Variants in MARK4 observed in about 807,000 individuals in gnomAD.
MARK4 encodes the protein MAP/microtubule affinity-regulating kinase 4.
MARK4 carries 19 observed loss-of-function variants against 81.5 expected under a neutral mutation model. That is an observed-to-expected ratio of 0.23 (90% CI 0.16 to 0.34). The LOEUF (loss-of-function observed/expected upper bound fraction) is 0.34. Ranked by LOEUF, MARK4 falls within the 10% of genes least tolerant of loss-of-function variation. The probability of loss-of-function intolerance (pLI) is 1.00; values close to 1 mark genes in which losing one functional copy is unlikely to be tolerated. For synonymous variants in MARK4, 436 were observed against 439.0 expected (o/e 0.99, Z 0.08); for missense variants, 772 against 1,058.8 (o/e 0.73, Z 3.76).
chr19:45,270,205 G>C (rs1221349502), intron 7 of MARK4, among the ~76,000 whole-genome samples: 1 of 152,138 alleles, frequency 6.6e-6, no homozygotes, highest in East Asian at 1.9e-4. Context: ...AACCACGCTT[G>C]AGGCAGGTGT....
At position 45,271,817 on chromosome 19, in the gene MARK4, T is replaced by G; in HGVS notation, c.786+109T>G. 1.9e-6 allele frequency: 2 copies of G among 1,061,870 alleles called. No homozygotes were observed. The highest frequency in any genetic ancestry group is 2.3e-5 in the Admixed American group (1 of 43,852). 65.8% of individuals were successfully genotyped at this position (1,061,870 alleles called of 1,614,324 possible). On this transcript the variant is annotated intron_variant, in intron 8 of 16. Coordinates refer to ENST00000262891, the MANE Select transcript of MARK4 (RefSeq NM_001199867.2). The surrounding 1 kb of genome is among the most constrained non-coding windows in gnomAD (Gnocchi z 4.1). Reference sequence around the variant, plus strand: ...CCTCAGTGGTGGGACTGGCCTGAGTTCTCATGGGAAGATGGGGGATGGGCA... The same window carrying G: ...CCTCAGTGGTGGGACTGGCCTGAGTGCTCATGGGAAGATGGGGGATGGGCA...
rs1412956729 is a variant in MARK4 at position 45,254,124 on chromosome 19, C to T, written c.51+2485C>T. On this transcript the variant is annotated intron_variant, in intron 1 of 16. Transcript: ENST00000262891. Reference sequence around the variant, plus strand: ...GGCTACAGCCACGTGGGGTCATGCTCCCCCACCCCAAGTTCCAGGGCCCCC... The same window carrying T: ...GGCTACAGCCACGTGGGGTCATGCTTCCCCACCCCAAGTTCCAGGGCCCCC... 5.3e-5 allele frequency among the ~76,000 whole-genome samples: 8 copies of T among 152,086 alleles called. No individual in the cohort carries two copies. The East Asian group carries it at 1.5e-3, about 29-fold the overall frequency.
rs984463425 is a variant in MARK4 at position 45,297,664 on chromosome 19, C to T, written c.1599-12C>T. ...CAGTCCCCCACCCTGACTTGTCTGT[C>T]TCTGCCCACAGCTCAGGCACCCCAC... On this transcript the variant is annotated splice_polypyrimidine_tract_variant and intron_variant, in intron 14 of 16. Transcript: ENST00000262891. The T allele has an allele frequency of 2.6e-6, 4 of 1,510,174 alleles. No individual in the cohort carries two copies. The African/African-American group carries it at 4.2e-5, about 16-fold the overall frequency. 93.5% of individuals were successfully genotyped at this position (1,510,174 alleles called of 1,614,324 possible). A position where few individuals can be genotyped will look rare whatever the true frequency, so the allele number is the denominator to read the frequency against.
chr19:45,258,411 T>C (rs1970337107), intron 1 of MARK4, among the ~76,000 whole-genome samples: 1 of 152,110 alleles, frequency 6.6e-6, no homozygotes, highest in South Asian at 2.1e-4. Flanking sequence ...ATGTGTGTAA[T>C]TAGAAAAGGA....
chr19:45,272,867 G>A (rs562807126), intron 8 of MARK4, among the ~76,000 whole-genome samples: 4 of 152,254 alleles, frequency 2.6e-5, no homozygotes, highest in Admixed American at 2.0e-4. Context: ...CAGCCTGGGC[G>A]ACAGAGCGAG....
In MARK4 at chr19:45,303,938, T is replaced by A. The variant is rs1971015246; in HGVS notation, c.*1228T>A. 6.6e-6 allele frequency: 1 copy of A among 152,302 alleles called. No homozygotes were observed. The highest frequency in any genetic ancestry group is 2.4e-5 in the African/African-American group (1 of 41,472). 9.4% of individuals were successfully genotyped at this position (152,302 alleles called of 1,614,324 possible). A position where few individuals can be genotyped will look rare whatever the true frequency, so the allele number is the denominator to read the frequency against. ...CCCAGAAGTGGGAGTATGTGGTATA[T>A]CTTCAGAGAACTGGGTAATTTCAGT... is the stretch of plus-strand genomic sequence containing the variant. On this transcript the variant is annotated 3_prime_UTR_variant, in exon 17 of 17. Transcript: ENST00000262891.
At chr19:45,289,886 C>T (rs888793247) in intron 13 of MARK4, among the ~76,000 whole-genome samples, 1 of 152,144 alleles carries the variant, frequency 6.6e-6, no homozygotes, top group African/African-American at 2.4e-5. Context: ...TGCTTGAGCT[C>T]AGGAGTTCGA....
chr19:45,302,316 C>T lies in MARK4; in HGVS notation c.1923-58C>T. 2 of 1,611,040 alleles carry T rather than the reference C, an allele frequency of 1.2e-6. No individual in the cohort carries two copies. The stretch of plus-strand genomic sequence containing the variant: ...GAATTGGGAAGAGTTGTCCCTTCAG[C>T]CCTCCACCACATTCCTCTTCGCTCC... On this transcript the variant is annotated intron_variant, in intron 16 of 16. Transcript: ENST00000262891. The surrounding 1 kb of genome is among the most constrained non-coding windows in gnomAD (Gnocchi z 4.9).
rs1970995034 is a variant in MARK4 at position 45,302,738 on chromosome 19, T to C, written c.*28T>C. On this transcript the variant is annotated 3_prime_UTR_variant, in exon 17 of 17. Transcript: ENST00000262891. This position sits in a 1 kb window ranked among gnomAD's most constrained non-coding sequence, Gnocchi z 4.9. ...CACCACGGTCCCAGGGCCCTTACTC[T>C]TCCTCTCCCTTGTCGCCTTCACTTC... The C allele has an allele frequency of 1.3e-6, 2 of 1,535,012 alleles. No individual in the cohort carries two copies. Among genetic ancestry groups the C allele is most frequent in the African/African-American group, 1.4e-5 (1 of 73,026 alleles).
intron 14 of MARK4, among the ~76,000 whole-genome samples, chr19:45,294,878 G>A (rs1336818234): frequency 6.6e-6 from 1 of 152,088 alleles, no homozygotes; most frequent in Non-Finnish European, 1.5e-5. Flanking sequence ...GGAAGGGATT[G>A]GTTCACATCA....
chr19:45,273,484 T>C (rs1249146756), intron 8 of MARK4, among the ~76,000 whole-genome samples: 1 of 152,158 alleles, frequency 6.6e-6, no homozygotes, highest in Non-Finnish European at 1.5e-5. Flanking sequence ...ATTTCATCCA[T>C]CATCCCAGGA....
intron 13 of MARK4, 175 bp downstream of exon 13, chr19:45,287,839 T>G: frequency 6.9e-6 from 5 of 723,496 alleles, no homozygotes; most frequent in Non-Finnish European, 1.2e-5. Context: ...GCTCAGTTTA[T>G]ACACTAACAT....
At chr19:45,273,302 T>G (rs1970555172) in intron 8 of MARK4, among the ~76,000 whole-genome samples, 1 of 152,230 alleles carries the variant, frequency 6.6e-6, no homozygotes. Context: ...TTTGCTGCCC[T>G]CATCGGCATT....
intron 14 of MARK4, among the ~76,000 whole-genome samples, chr19:45,296,596 T>C (rs1486336373): frequency 6.6e-6 from 1 of 152,270 alleles, no homozygotes; most frequent in Non-Finnish European, 1.5e-5. Context: ...AAATGTAGTC[T>C]CTGGCTGGGT....
intron 15 of MARK4, 67 bp downstream of exon 15, chr19:45,298,021 ACTCTG>A (rs1970912808): frequency 6.5e-7 from 1 of 1,548,204 alleles, no homozygotes; most frequent in South Asian, 1.2e-5. Context: ...CCTGTCTTCC[ACTCTG>A]CTCTGTCTCC....
chr19:45,298,213 T>C, intron 15 of MARK4: 1 of 1,614,066 alleles, frequency 6.2e-7, no homozygotes, highest in Non-Finnish European at 8.5e-7. Context: ...GCCCCAGGGA[T>C]CCAAGATCAG....
At chr19:45,265,236 G>A (rs985446518) in intron 6 of MARK4, among the ~76,000 whole-genome samples, 5 of 152,132 alleles carry the variant, frequency 3.3e-5, no homozygotes, top group Non-Finnish European at 7.4e-5. Context: ...GTGCCAGGGT[G>A]CCAGGTGTGA....
rs984364206 is a variant in MARK4, at chr19:45,302,281, A to C, written c.1923-93A>C. The C allele has an allele frequency of 2.5e-6, 4 of 1,587,138 alleles. No homozygotes were observed. The highest frequency in any genetic ancestry group is 3.4e-6 in the Non-Finnish European group (4 of 1,164,960). On this transcript the variant is annotated intron_variant, in intron 16 of 16. Transcript: ENST00000262891. The surrounding 1 kb of genome is among the most constrained non-coding windows in gnomAD (Gnocchi z 4.9). Reference sequence around the variant, plus strand: ...GATGTTTTTTGAGGGGATGGCTAGGAATGTGTCCCGAATTGGGAAGAGTTG... The same window carrying C: ...GATGTTTTTTGAGGGGATGGCTAGGCATGTGTCCCGAATTGGGAAGAGTTG...
Position 45,280,461 on chromosome 19 carries a change from T to C in MARK4, c.1094T>C (p.Leu365Pro). 6.2e-7 allele frequency: 1 copy of C among 1,614,104 alleles called. No individual in the cohort carries two copies. ...TACAACGAAGTGACCGCCACCTACC[T>C]CCTGCTGGGCAGGAAGACTGAGGTC... ...QKYNEVTATY[L>P]LLGRKTEEGG... The change falls in exon 11 of 17, where the codon CTC becomes CCC. Residue 365 changes from leucine (L) to proline (P), a missense_variant. Around this residue, in one of 3 missense-constraint regions of MARK4, gnomAD observed 548 missense variants for 624.3 expected, o/e 0.88. Coordinates refer to ENST00000262891, the MANE Select transcript of MARK4 (RefSeq NM_001199867.2).
Sources: allele counts gnomAD v4.1 joint callset (sites outside exome capture counted in the v4.1 genomes callset), GRCh38; gene constraint gnomAD v4.1.1; regional missense constraint gnomAD v4.1.1; non-coding constraint Gnocchi (gnomAD v3.1); transcripts MANE v1.5; gene names NCBI Gene and HGNC (gene_info 2026-07-23, HGNC 2026-07-21).